ZNF121: variants seen among roughly 807,000 people sequenced by gnomAD.
The protein encoded by ZNF121 is zinc finger protein 121, also known as zinc finger protein 121 (clone ZHC32).
In ZNF121, 1 loss-of-function variant was observed where a neutral mutation model predicts 2.4. The observed-to-expected ratio is 0.41, with a 90% CI of 0.15 to 1.94. ZNF121 has a LOEUF of 1.94. Ranked by LOEUF, ZNF121 falls within the 30% of genes most tolerant of loss-of-function variation. ZNF121 has a pLI of 0.30. For synonymous variants in ZNF121, 173 were observed against 158.6 expected (o/e 1.09, Z -0.68); for missense variants, 369 against 466.3 (o/e 0.79, Z 1.92).
At position 9,566,996 on chromosome 19, in the gene ZNF121, A is replaced by G. The variant is rs1177067310; in HGVS notation, c.117T>C (p.Tyr39=). The G allele has an allele frequency of 8.1e-6, 13 of 1,614,082 alleles. No individual in the cohort carries two copies. Among genetic ancestry groups the G allele is most frequent in the African/African-American group, 1.3e-5 (1 of 74,946 alleles). ...HMGTENTGDT[Y]DCDEYGENFP... Reference sequence around the variant, plus strand: ...AGTTTTCTCCATACTCATCACAGTCATAAGTGTCCCCTGTATTTTCAGTTC... The same window carrying G: ...AGTTTTCTCCATACTCATCACAGTCGTAAGTGTCCCCTGTATTTTCAGTTC... The change falls in exon 4 of 4, where the codon TAT becomes TAC. Residue 39 remains tyrosine (Y), a synonymous_variant. Transcript: ENST00000320451.
intron 1 of ZNF121, among the ~76,000 whole-genome samples, chr19:9,572,508 T>C (rs1568500257): frequency 6.6e-6 from 1 of 152,150 alleles, no homozygotes; most frequent in Non-Finnish European, 1.5e-5. Flanking sequence ...ATCCCAGCCC[T>C]GGAAACTCTG....
chr19:9,582,916 T>TC (rs1568216741), intron 1 of ZNF121, among the ~76,000 whole-genome samples: 1 of 150,936 alleles, frequency 6.6e-6, no homozygotes, highest in African/African-American at 2.5e-5. Context: ...AATATTCTGA[T>TC]TATAAAGCCT....
At chr19:9,567,460 G>C (rs1050474638) in intron 3 of ZNF121, among the ~76,000 whole-genome samples, 1 of 152,144 alleles carries the variant, frequency 6.6e-6, no homozygotes, top group Non-Finnish European at 1.5e-5. Flanking sequence ...TATCCCTCTA[G>C]AGCAGAGGTC....
At chr19:9,574,085 G>A (rs554173227) in intron 1 of ZNF121, among the ~76,000 whole-genome samples, 5 of 147,062 alleles carry the variant, frequency 3.4e-5, no homozygotes, top group East Asian at 4.0e-4. Flanking sequence ...CTTGTTTCCC[G>A]GTGCCGTAAA....
intron 1 of ZNF121, among the ~76,000 whole-genome samples, chr19:9,578,530 A>G (rs2074227394): frequency 6.6e-6 from 1 of 151,964 alleles, no homozygotes; most frequent in African/African-American, 2.4e-5. Context: ...GAGAACAGAG[A>G]ACCTAAATAT....
At position 9,565,216 on chromosome 19, in the gene ZNF121, T is replaced by C. The variant is rs1223997119; in HGVS notation, c.*724A>G. On this transcript the variant is annotated 3_prime_UTR_variant, in exon 4 of 4. Transcript: ENST00000320451. The stretch of plus-strand genomic sequence containing the variant: ...CTCTTCTCCATTGCAACATCTTATA[T>C]ACTTAGAAAGGCCTAAGGAAATAAT... 1.3e-5 allele frequency: 2 copies of C among 151,888 alleles called. No homozygotes were observed. Among genetic ancestry groups the C allele is most frequent in the Non-Finnish European group, 2.9e-5 (2 of 67,996 alleles). The allele number at this position is 151,888 out of a possible 1,614,324, so 9.4% of individuals were successfully genotyped here.
chr19:9,568,399 G>C (rs12459761), intron 2 of ZNF121, among the ~76,000 whole-genome samples: 1 of 150,556 alleles, frequency 6.6e-6, no homozygotes, highest in Non-Finnish European at 1.5e-5. Flanking sequence ...ACAGAGTCTC[G>C]CTCTGTCACC....
chr19:9,580,149 G>A (rs547689996), intron 1 of ZNF121, among the ~76,000 whole-genome samples: 12 of 152,048 alleles, frequency 7.9e-5, no homozygotes, highest in South Asian at 2.1e-4. Flanking sequence ...AAAATTAGCC[G>A]GGCGTGTTGG....
chr19:9,577,109 T>C (rs988518389), intron 1 of ZNF121, among the ~76,000 whole-genome samples: 6 of 152,178 alleles, frequency 3.9e-5, no homozygotes, highest in African/African-American at 1.4e-4. Flanking sequence ...AAGTGAGCAT[T>C]ATTCTCATAT....
In ZNF121 at chr19:9,583,629, G is replaced by C. The variant is rs2074264797; in HGVS notation, c.-160+832C>G. On this transcript the variant is annotated intron_variant, in intron 1 of 3. Transcript: ENST00000320451. Reference sequence around the variant, plus strand: ...CGCCATTCTCCTGCCTCAGCCTCCCGAGTAGCTGGGACTACAGGCGCCCGC... The same window carrying C: ...CGCCATTCTCCTGCCTCAGCCTCCCCAGTAGCTGGGACTACAGGCGCCCGC... Among the ~76,000 whole-genome samples the C allele has an allele frequency of 2.7e-5, 4 of 150,238 alleles. No homozygotes were observed. In the South Asian group the frequency reaches 8.4e-4, roughly 32 times the overall value.
chr19:9,581,047 T>G (rs1401598921), intron 1 of ZNF121, among the ~76,000 whole-genome samples: 1 of 152,094 alleles, frequency 6.6e-6, no homozygotes, highest in Non-Finnish European at 1.5e-5. Context: ...AACCCCGAGT[T>G]TGTAGGAAAT....
rs1483643131 is a variant in ZNF121, at chr19:9,566,915, C to T, written c.198G>A (p.Gln66=). The change falls in exon 4 of 4, where the codon CAG becomes CAA. Residue 66 remains glutamine (Q), a synonymous_variant. Coordinates refer to ENST00000320451, the MANE Select transcript of ZNF121 (RefSeq NM_001008727.5). ...PAGETLSVLN[Q]CRKAFSLPPN... is the part of the protein sequence containing the mutation. ...GTGGCAGGCTGAAGGCTTTTCTGCA[C>T]TGATTCAACACAGAAAGTGTCTCTC... 2 of 1,614,108 alleles carry T rather than the reference C, an allele frequency of 1.2e-6. No individual in the cohort carries two copies. The highest frequency in any genetic ancestry group is 4.5e-5 in the East Asian group (2 of 44,898).
At chr19:9,583,349 G>T (rs1269595160) in intron 1 of ZNF121, among the ~76,000 whole-genome samples, 1 of 151,380 alleles carries the variant, frequency 6.6e-6, no homozygotes, top group South Asian at 2.1e-4. Context: ...TTTTTGAGAC[G>T]GAGTTTCGCT....
At chr19:9,581,699 C>T (rs2074249414) in intron 1 of ZNF121, among the ~76,000 whole-genome samples, 1 of 152,100 alleles carries the variant, frequency 6.6e-6, no homozygotes, top group South Asian at 2.1e-4. Context: ...GGTAAAAAGA[C>T]ACTGAAAACA....
intron 1 of ZNF121, among the ~76,000 whole-genome samples, chr19:9,571,135 C>A (rs1568499851): frequency 2.0e-5 from 3 of 152,150 alleles, no homozygotes; most frequent in Non-Finnish European, 4.4e-5. Flanking sequence ...GCATTATGGG[C>A]CACATGGTCT....
intron 1 of ZNF121, among the ~76,000 whole-genome samples, chr19:9,576,330 C>CA (rs200367568): frequency 0.14 from 19,758 of 138,656 alleles, 1,653 homozygotes; most frequent in African/African-American, 0.25. Context: ...CCTGTCCCTT[C>CA]AAAAAAAAAA....
chr19:9,567,964 C>T, intron 3 of ZNF121, 131 bp downstream of exon 3: 2 of 1,024,222 alleles, frequency 2.0e-6, no homozygotes, highest in Non-Finnish European at 2.8e-6. Flanking sequence ...CAGTGGGGAC[C>T]CTTGCTCTAG....
rs1056952704 is a variant in ZNF121 at position 9,564,656 on chromosome 19, T to C, written c.*1284A>G. On this transcript the variant is annotated 3_prime_UTR_variant, in exon 4 of 4. Transcript: ENST00000320451. ...CTGAAATGAAATCTACTCCTGAAGA[T>C]GCTGTGAACATTGTTGAAAAGACAA... The C allele has an allele frequency of 2.6e-5, 4 of 152,228 alleles. No homozygotes were observed. The highest frequency in any genetic ancestry group is 9.6e-5 in the African/African-American group (4 of 41,468). The allele number at this position is 152,228 out of a possible 1,614,324, so 9.4% of individuals were successfully genotyped here.
At chr19:9,578,980 CAAAAA>C (rs746310089) in intron 1 of ZNF121, among the ~76,000 whole-genome samples, 7 of 86,112 alleles carry the variant, frequency 8.1e-5, no homozygotes, top group Non-Finnish European at 8.0e-5. Flanking sequence ...AACTTGATAG[CAAAAA>C]AAAAAAAAAA....
Sources: allele counts gnomAD v4.1 joint callset (sites outside exome capture counted in the v4.1 genomes callset), GRCh38; gene constraint gnomAD v4.1.1; transcripts MANE v1.5; gene names NCBI Gene and HGNC (gene_info 2026-07-23, HGNC 2026-07-21).